The following RGS7 variants were observed in gnomAD, a reference collection of about 807,000 sequenced individuals.
RGS7 encodes the protein regulator of G-protein signaling 7.
In RGS7, 27 loss-of-function variants were observed where a neutral mutation model predicts 81.1. The ratio of observed to expected loss-of-function variants is 0.33; its 90% CI spans 0.25 to 0.46. The LOEUF (loss-of-function observed/expected upper bound fraction) is 0.46, where lower values mean the gene tolerates loss of function less well. Ranked by LOEUF, RGS7 falls within the 20% of genes least tolerant of loss-of-function variation. RGS7 has a pLI of 1.00. For missense variants in RGS7, 396 were observed against 607.4 expected, an observed-to-expected ratio of 0.65 and a Z score of 3.66; for synonymous variants, 208 against 207.7, an observed-to-expected ratio of 1.00 and a Z score of -0.01.
In RGS7 at chr1:240,776,226, A is replaced by G; in HGVS notation, c.*7-13T>C. 2 of 1,596,358 alleles carry G rather than the reference A, an allele frequency of 1.3e-6. No individual in the cohort carries two copies. The highest frequency in any genetic ancestry group is 1.1e-5 in the South Asian group (1 of 90,688). On this transcript the variant is annotated splice_polypyrimidine_tract_variant and intron_variant, in intron 18 of 18. Coordinates refer to ENST00000440928, the MANE Select transcript of RGS7 (RefSeq NM_001364886.1). ...TGAGAGATTTCCCCTGAGAAAATAT[A>G]TAAAACAAGAGAAAAGAAAGAAAAT...
At chr1:241,116,391 G>A (rs566259983) in intron 2 of RGS7, among the ~76,000 whole-genome samples, 1 of 152,024 alleles carries the variant, frequency 6.6e-6, no homozygotes, top group Non-Finnish European at 1.5e-5. Flanking sequence ...TTAGGAAAAG[G>A]TACCGTATAT....
intron 2 of RGS7, among the ~76,000 whole-genome samples, chr1:241,297,582 C>T (rs1209309943): frequency 1.3e-5 from 2 of 152,138 alleles, no homozygotes; most frequent in Admixed American, 6.5e-5. Context: ...ACCAGCGGAT[C>T]GGCATCAGGC....
At chr1:241,220,995 AAG>A (rs1292620034) in intron 2 of RGS7, among the ~76,000 whole-genome samples, 3 of 42,276 alleles carry the variant, frequency 7.1e-5, no homozygotes, top group Admixed American at 2.2e-4. Flanking sequence ...GGAAGGAAGG[AAG>A]AGAGAGAGAA....
intron 2 of RGS7, among the ~76,000 whole-genome samples, chr1:241,276,371 G>A (rs939958642): frequency 1.3e-5 from 2 of 152,200 alleles, no homozygotes; most frequent in Non-Finnish European, 2.9e-5. Context: ...GATAAAGCCT[G>A]AGAGGTTAAT....
At chr1:241,273,587 G>A (rs961062818) in intron 2 of RGS7, among the ~76,000 whole-genome samples, 14 of 152,098 alleles carry the variant, frequency 9.2e-5, no homozygotes, top group African/African-American at 3.1e-4. Flanking sequence ...CTGTCTGACT[G>A]CCAGCCTTTA....
intron 2 of RGS7, among the ~76,000 whole-genome samples, chr1:241,219,288 G>T (rs1361407904): frequency 1.3e-5 from 2 of 152,048 alleles, no homozygotes; most frequent in African/African-American, 4.8e-5. Flanking sequence ...CATTAGATCT[G>T]ATGGTTTTAA....
intron 3 of RGS7, among the ~76,000 whole-genome samples, chr1:241,019,940 G>GT (rs2059456532): frequency 6.6e-6 from 1 of 152,186 alleles, no homozygotes; most frequent in South Asian, 2.1e-4. Flanking sequence ...TTTTCTTGCT[G>GT]TAACAAAGAT....
intron 2 of RGS7, among the ~76,000 whole-genome samples, chr1:241,327,111 AAAG>A (rs1558321318): frequency 2.8e-5 from 3 of 107,516 alleles, no homozygotes; most frequent in Non-Finnish European, 4.1e-5. Flanking sequence ...AGAAAGAAAG[AAAG>A]AAAGAAAGAA....
intron 2 of RGS7, among the ~76,000 whole-genome samples, chr1:241,350,255 A>G (rs2083152909): frequency 6.6e-6 from 1 of 152,206 alleles, no homozygotes; most frequent in African/African-American, 2.4e-5. Flanking sequence ...TGATGGTCCT[A>G]TCTTATCTCA....
At chr1:241,147,780 T>TTATATACATATATA (rs2068429655) in intron 2 of RGS7, among the ~76,000 whole-genome samples, 1 of 44,646 alleles carries the variant, frequency 2.2e-5, no homozygotes, top group African/African-American at 6.5e-5. Flanking sequence ...AGATTAAGTT[T>TTATATACATATATA]TATATATATA....
At position 241,226,235 on chromosome 1, in the gene RGS7, A is replaced by C. The variant is rs141787262; in HGVS notation, c.79-127473T>G. On this transcript the variant is annotated intron_variant, in intron 2 of 18. Transcript: ENST00000440928. ...ATCTTACCCTCTAGGTGAAAAACAC[A>C]AATAAAATGTCCGCGGGAATATTAA... 5.0e-3 allele frequency among the ~76,000 whole-genome samples: 767 copies of C among 152,340 alleles called. 7 individuals carry two copies. The highest frequency in any genetic ancestry group is 0.018 in the African/African-American group (732 of 41,570).
chr1:241,027,691 G>T (rs1482014658), intron 3 of RGS7, among the ~76,000 whole-genome samples: 1 of 152,132 alleles, frequency 6.6e-6, no homozygotes, highest in African/African-American at 2.4e-5. Flanking sequence ...GAGAGCCTAG[G>T]TTTGTATTTT....
chr1:241,075,405 T>G (rs1424153176), intron 3 of RGS7, among the ~76,000 whole-genome samples: 1 of 152,078 alleles, frequency 6.6e-6, no homozygotes, highest in Admixed American at 6.5e-5. Context: ...CTAACCCCCT[T>G]TTGACGAGGA....
At chr1:241,078,050 G>C (rs1217431071) in intron 3 of RGS7, among the ~76,000 whole-genome samples, 1 of 150,510 alleles carries the variant, frequency 6.6e-6, no homozygotes, top group African/African-American at 2.4e-5. Flanking sequence ...AATATTATAT[G>C]TCATATAAAA....
At chr1:241,106,781 C>CACACACAT (rs1311029724) in intron 2 of RGS7, among the ~76,000 whole-genome samples, 1 of 148,722 alleles carries the variant, frequency 6.7e-6, no homozygotes, top group African/African-American at 2.5e-5. Flanking sequence ...CACACACACA[C>CACACACAT]ACGATAACAT....
At chr1:241,306,100 T>C (rs1045958278) in intron 2 of RGS7, among the ~76,000 whole-genome samples, 1 of 150,138 alleles carries the variant, frequency 6.7e-6, no homozygotes, top group Middle Eastern at 3.2e-3. Context: ...AAACCATGAG[T>C]AGCTATATTC....
chr1:241,194,064 T>G (rs975106288), intron 2 of RGS7, among the ~76,000 whole-genome samples: 1 of 152,236 alleles, frequency 6.6e-6, no homozygotes, highest in East Asian at 1.9e-4. Flanking sequence ...TGGATGAACA[T>G]AAGCACTGTC....
chr1:241,276,350 A>C (rs1311656238), intron 2 of RGS7, among the ~76,000 whole-genome samples: 1 of 152,224 alleles, frequency 6.6e-6, no homozygotes, highest in Non-Finnish European at 1.5e-5. Context: ...CCATTAGTAT[A>C]TTTAGCTCTC....
At chr1:241,333,760 T>C (rs1233425456) in intron 2 of RGS7, among the ~76,000 whole-genome samples, 1 of 152,114 alleles carries the variant, frequency 6.6e-6, no homozygotes, top group East Asian at 1.9e-4. Context: ...ATATAGATAA[T>C]ATACTCTATT....
Sources: gnomAD v4.1 joint callset for allele counts (sites outside exome capture counted in the v4.1 genomes callset) on GRCh38, gnomAD v4.1.1 for gene constraint, MANE v1.5 for transcripts, NCBI Gene and HGNC (gene_info 2026-07-23, HGNC 2026-07-21) for gene names.